MPP7: variants seen among roughly 807,000 people sequenced by gnomAD.
The protein encoded by MPP7 is MAGUK p55 scaffold protein 7.
A neutral mutation model predicts 76.5 loss-of-function variants in MPP7; 60 were observed. The ratio of observed to expected loss-of-function variants is 0.78; its 90% confidence interval spans 0.64 to 0.97. The LOEUF is 0.97. Ranked by LOEUF, MPP7 falls within the 50% of genes least tolerant of loss-of-function variation. MPP7 has a pLI of 0.00. For missense variants in MPP7, 641 were observed against 694.0 expected (o/e 0.92, Z 0.86); for synonymous variants, 237 against 244.5 (o/e 0.97, Z 0.29).
At chr10:28,131,787 A>G (rs540192457) in intron 5 of MPP7, 96 bp from the exon 6 acceptor site, 13 of 581,586 alleles carry the variant, frequency 2.2e-5, no homozygotes, top group Middle Eastern at 7.8e-4. Flanking sequence ...AACTATAAGG[A>G]AAATCAAAAC....
At chr10:28,170,534 C>T (rs1836646215) in intron 3 of MPP7, among the ~76,000 whole-genome samples, 1 of 151,480 alleles carries the variant, frequency 6.6e-6, no homozygotes, top group African/African-American at 2.4e-5. Context: ...CTCTCTCATT[C>T]TAACTTTCTT....
At chr10:28,207,739 C>T (rs1327190070) in intron 2 of MPP7, among the ~76,000 whole-genome samples, 1 of 151,618 alleles carries the variant, frequency 6.6e-6, no homozygotes, top group Admixed American at 6.6e-5. Flanking sequence ...AAAGGCTATA[C>T]TGGAACTTGC....
chr10:28,230,205 A>G (rs748681776), intron 2 of MPP7, among the ~76,000 whole-genome samples: 8 of 152,198 alleles, frequency 5.3e-5, no homozygotes, highest in Admixed American at 1.3e-4. Flanking sequence ...CAAAGAAAAT[A>G]TAAGTAATAG....
At chr10:28,071,989 T>C (rs1852261619) in intron 12 of MPP7, among the ~76,000 whole-genome samples, 1 of 152,090 alleles carries the variant, frequency 6.6e-6, no homozygotes, top group South Asian at 2.1e-4. Context: ...GAGTAGTATA[T>C]GGGGCCTGGC....
chr10:28,289,080 A>C (rs888578638), intron 1 of MPP7, among the ~76,000 whole-genome samples: 1 of 152,130 alleles, frequency 6.6e-6, no homozygotes, highest in African/African-American at 2.4e-5. Context: ...TGGGCGGATC[A>C]TTTGAGGTCA....
chr10:28,195,472 T>C (rs1013535877), intron 3 of MPP7, among the ~76,000 whole-genome samples: 1 of 152,162 alleles, frequency 6.6e-6, no homozygotes, highest in Non-Finnish European at 1.5e-5. Flanking sequence ...TAACAGCCAA[T>C]AGGCAGAAAC....
chr10:28,327,231 T>TAAAAA (rs59442840), intron 2 of MPP7, among the ~76,000 whole-genome samples: 7 of 95,752 alleles, frequency 7.3e-5, no homozygotes, highest in Non-Finnish European at 1.3e-4. Flanking sequence ...GTCAAAGAAG[T>TAAAAA]AAAAAAAAAA....
chr10:28,056,585 A>G lies in MPP7; in HGVS notation c.1446T>C (p.Tyr482=), dbSNP rs1396697283. 6.2e-7 allele frequency: 1 copy of G among 1,607,080 alleles called. No individual in the cohort carries two copies. Among genetic ancestry groups the G allele is most frequent in the Admixed American group, 1.7e-5 (1 of 57,702 alleles). ...KHLRTLEFKP[Y]VIFIKPPSIE... is the part of the protein sequence containing the mutation. ...TTGATGGAGGCTTTATAAATATCAC[A>G]TAGGGCTTAAATTCTAGTGTCCTTA... The change falls in exon 16 of 17, where the codon TAT becomes TAC. Residue 482 remains tyrosine (Y), a synonymous_variant. Coordinates refer to ENST00000683449, the MANE Select transcript of MPP7 (RefSeq NM_001318170.2).
intron 12 of MPP7, among the ~76,000 whole-genome samples, chr10:28,074,284 CT>C (rs1002948193): frequency 1.8e-3 from 266 of 144,322 alleles, no homozygotes; most frequent in Non-Finnish European, 1.9e-3. Context: ...CTAGAGCAAC[CT>C]TTTTTTTTTT....
upstream of MPP7, among the ~76,000 whole-genome samples, chr10:28,335,099 G>A (rs1440483417): frequency 2.6e-5 from 4 of 152,218 alleles, no homozygotes; most frequent in African/African-American, 9.6e-5. Context: ...GCACGGCTGT[G>A]GGAGGAGATC....
Position 28,124,069 on chromosome 10 carries a change from C to T in MPP7, c.577G>A (p.Val193Met). Reference sequence around the variant, plus strand: ...ATTTCCTCAGGCCTTTTATCCTCCACTGGTATCCCGTTGACTTCCCTAAGT... The same window carrying T: ...ATTTCCTCAGGCCTTTTATCCTCCATTGGTATCCCGTTGACTTCCCTAAGT... ...DELREVNGIP[V>M]EDKRPEEIIQ... The change falls in exon 8 of 17, where the codon GTG becomes ATG. Residue 193 changes from valine to methionine, a missense_variant. Val to Met is a conservative substitution (Grantham distance 21, BLOSUM62 1). Coordinates refer to ENST00000683449, the MANE Select transcript of MPP7 (RefSeq NM_001318170.2). The T allele has an allele frequency of 6.2e-7, 1 of 1,612,872 alleles. No individual in the cohort carries two copies. The highest frequency in any genetic ancestry group is 8.5e-7 in the Non-Finnish European group (1 of 1,178,970).
At chr10:28,260,794 A>T (rs1041602758) in intron 1 of MPP7, among the ~76,000 whole-genome samples, 4 of 141,542 alleles carry the variant, frequency 2.8e-5, no homozygotes, top group East Asian at 2.5e-4. Context: ...AAAAAAAAAA[A>T]TTTTTTTTAA....
chr10:28,217,268 C>T (rs1280274074), intron 2 of MPP7, among the ~76,000 whole-genome samples: 2 of 152,144 alleles, frequency 1.3e-5, no homozygotes, highest in East Asian at 3.9e-4. Flanking sequence ...GTGGCTCATG[C>T]CTGTAATCCC....
intron 13 of MPP7, among the ~76,000 whole-genome samples, chr10:28,064,413 T>C (rs904762707): frequency 3.3e-5 from 5 of 152,172 alleles, no homozygotes; most frequent in Admixed American, 1.3e-4. Context: ...AAATAATCTA[T>C]TGTGACAGAA....
chr10:28,329,066 C>A (rs935040446), intron 2 of MPP7, among the ~76,000 whole-genome samples: 4 of 152,146 alleles, frequency 2.6e-5, no homozygotes, highest in African/African-American at 7.2e-5. Context: ...CTCTTAATGA[C>A]CTGTAAACTA....
At chr10:28,312,771 C>T (rs112705717) in intron 2 of MPP7, among the ~76,000 whole-genome samples, 2 of 152,274 alleles carry the variant, frequency 1.3e-5, no homozygotes, top group African/African-American at 2.4e-5. Context: ...AAGGGAGCAT[C>T]GCAAGCAAAG....
At chr10:28,215,571 G>A (rs544874929) in intron 2 of MPP7, among the ~76,000 whole-genome samples, 17 of 152,218 alleles carry the variant, frequency 1.1e-4, no homozygotes, top group African/African-American at 3.9e-4. Context: ...TTAACTTGGA[G>A]GTGCTGAAGT....
chr10:28,219,237 G>A (rs1838415121), intron 2 of MPP7, among the ~76,000 whole-genome samples: 1 of 151,892 alleles, frequency 6.6e-6, no homozygotes, highest in African/African-American at 2.4e-5. Flanking sequence ...ATCTAAAATG[G>A]GAAAAAATTT....
intron 13 of MPP7, among the ~76,000 whole-genome samples, chr10:28,069,377 G>A (rs1852118438): frequency 6.6e-6 from 1 of 152,104 alleles, no homozygotes; most frequent in Non-Finnish European, 1.5e-5. Context: ...GGCCGAGGCA[G>A]GTGGATCACA....
Sources: gnomAD v4.1 joint callset for allele counts (sites outside exome capture counted in the v4.1 genomes callset) on GRCh38, gnomAD v4.1.1 for gene constraint, MANE v1.5 for transcripts, NCBI Gene and HGNC (gene_info 2026-07-23, HGNC 2026-07-21) for gene names.